The following CSMD3 variants were observed in gnomAD, a reference collection of about 807,000 sequenced individuals.
CSMD3 encodes the protein CUB and sushi domain-containing protein 3.
CSMD3 carries 177 observed loss-of-function variants against 435.2 expected under a neutral mutation model. That is an observed-to-expected ratio of 0.41 (90% confidence interval 0.36 to 0.46). The LOEUF (loss-of-function observed/expected upper bound fraction) is 0.46, where lower values mean the gene tolerates loss of function less well. Ranked by LOEUF, CSMD3 falls within the 20% of genes least tolerant of loss-of-function variation. CSMD3 has a pLI of 0.34. For missense variants in CSMD3, 4,265 were observed against 4,504.6 expected (o/e 0.95, Z 1.52); for synonymous variants, 1,656 against 1,520.5 (o/e 1.09, Z -2.07).
chr8:112,997,276 C>T (rs1188210674), intron 6 of CSMD3, among the ~76,000 whole-genome samples: 2 of 151,590 alleles, frequency 1.3e-5, no homozygotes, highest in Middle Eastern at 3.2e-3. Flanking sequence ...AAACTTTTCA[C>T]ACAGTTAAAA....
chr8:112,930,188 C>A (rs1048957107), intron 9 of CSMD3, among the ~76,000 whole-genome samples: 1 of 152,072 alleles, frequency 6.6e-6, no homozygotes, highest in African/African-American at 2.4e-5. Context: ...AGCCATAAGG[C>A]AAGGTTAACA....
chr8:112,634,519 A>G (rs2074603653), intron 22 of CSMD3, among the ~76,000 whole-genome samples: 1 of 151,964 alleles, frequency 6.6e-6, no homozygotes, highest in Non-Finnish European at 1.5e-5. Context: ...GAAAATGGGT[A>G]GGGGGGAATT....
Position 113,378,511 on chromosome 8 carries a change from T to C in CSMD3, c.178+58166A>G, listed in dbSNP as rs182731766. Among the ~76,000 whole-genome samples the C allele has an allele frequency of 1.7e-3, 264 of 152,256 alleles. 1 individual carries two copies. Among genetic ancestry groups the C allele is most frequent in the Non-Finnish European group, 2.3e-3 (154 of 68,010 alleles). The stretch of plus-strand genomic sequence containing the variant: ...CTCAGAGGATAGGGTAGATAGTAGT[T>C]TTACGTTATAGTGGACAAGAAAGGC... On this transcript the variant is annotated intron_variant, in intron 1 of 70. Transcript: ENST00000297405.
rs188439025 is a variant in CSMD3 at position 112,267,627 on chromosome 8, A to C, written c.9509-2037T>G. Among the ~76,000 whole-genome samples the C allele has an allele frequency of 6.9e-3, 1,045 of 152,292 alleles. 16 individuals carry two copies. The highest frequency in any genetic ancestry group is 0.024 in the African/African-American group (1,005 of 41,568). On this transcript the variant is annotated intron_variant, in intron 59 of 70. Transcript: ENST00000297405. ...TGTTGTTTTCTGGGCAGTGCTTTCC[A>C]GACTGCATTAGAATCTTGGCAAGGA... is the stretch of plus-strand genomic sequence containing the variant.
At chr8:113,350,819 T>C (rs1304618400) in intron 1 of CSMD3, among the ~76,000 whole-genome samples, 2 of 152,176 alleles carry the variant, frequency 1.3e-5, no homozygotes, top group Non-Finnish European at 2.9e-5. Context: ...TGATTTGACT[T>C]CTGATTTGTT....
chr8:112,406,744 T>A lies in CSMD3; in HGVS notation c.5606-17A>T, dbSNP rs772383271. On this transcript the variant is annotated splice_polypyrimidine_tract_variant and intron_variant, in intron 34 of 70. Coordinates refer to ENST00000297405, the MANE Select transcript of CSMD3 (RefSeq NM_198123.2). ...TAGGAACAGCTGTGTAGAAATATTA[T>A]ATTTATTTTAATTTTATATGGTAGA... The A allele has an allele frequency of 6.7e-7, 1 of 1,488,662 alleles. No individual in the cohort carries two copies. The allele number at this position is 1,488,662 out of a possible 1,614,324, so 92.2% of individuals were successfully genotyped here.
rs1209326022 is a variant in CSMD3 at position 112,311,220 on chromosome 8, C to T, written c.7697-54G>A. On this transcript the variant is annotated intron_variant, in intron 49 of 70. Transcript: ENST00000297405. ...TAATTAATGAATCAGAAGTTATTACCCAAAGTGATAAACACCTATACAGCG... is the reference window on the plus strand; with the variant it reads ...TAATTAATGAATCAGAAGTTATTACTCAAAGTGATAAACACCTATACAGCG... The T allele has an allele frequency of 3.4e-6, 5 of 1,458,506 alleles. No homozygotes were observed. The African/African-American group carries it at 5.6e-5, about 16-fold the overall frequency. 90.3% of individuals were successfully genotyped at this position (1,458,506 alleles called of 1,614,324 possible).
At position 112,783,064 on chromosome 8, in the gene CSMD3, G is replaced by A. The variant is rs78875563; in HGVS notation, c.1972+17098C>T. On this transcript the variant is annotated intron_variant, in intron 13 of 70. Transcript: ENST00000297405. The stretch of plus-strand genomic sequence containing the variant: ...AAAAGAAAAACACGGTAATTGTGGC[G>A]TGTAAACTACTCATGTTTTTAGTGG... 4.7e-3 allele frequency among the ~76,000 whole-genome samples: 708 copies of A among 152,120 alleles called. 15 individuals carry two copies. In the East Asian group the frequency reaches 0.074, roughly 16 times the overall value.
Position 112,689,738 on chromosome 8 carries a change from T to C in CSMD3, c.2155+130A>G, listed in dbSNP as rs1437069238. ...TTGGCATAAGCACACTTGTTAAAGA[T>C]AGCATCACAAAGTGCTACTCACTCA... is the stretch of plus-strand genomic sequence containing the variant. On this transcript the variant is annotated intron_variant, in intron 14 of 70. Coordinates refer to ENST00000297405, the MANE Select transcript of CSMD3 (RefSeq NM_198123.2). 4.2e-6 allele frequency: 3 copies of C among 711,474 alleles called. No homozygotes were observed. The African/African-American group carries it at 5.4e-5, about 13-fold the overall frequency. 44.1% of individuals were successfully genotyped at this position (711,474 alleles called of 1,614,324 possible). A position where few individuals can be genotyped will look rare whatever the true frequency, so the allele number is the denominator to read the frequency against.
At chr8:112,883,691 C>A (rs531470828) in intron 10 of CSMD3, among the ~76,000 whole-genome samples, 1 of 151,900 alleles carries the variant, frequency 6.6e-6, no homozygotes, top group Admixed American at 6.6e-5. Context: ...AGAAATTACC[C>A]TTAGTATACT....
At chr8:112,308,783 G>A (rs1420857) in intron 50 of CSMD3, among the ~76,000 whole-genome samples, 30,120 of 151,848 alleles carry the variant, frequency 0.2, 3,610 homozygotes, top group East Asian at 0.37. Context: ...AATTTTCTAT[G>A]TTTATCCTCA....
intron 53 of CSMD3, among the ~76,000 whole-genome samples, chr8:112,296,543 C>A (rs2130721613): frequency 6.9e-6 from 1 of 145,238 alleles, no homozygotes; most frequent in East Asian, 2.2e-4. Context: ...GAGCAAGACT[C>A]CACCTCAAAA....
intron 19 of CSMD3, 84 bp from the exon 20 acceptor site, chr8:112,645,309 A>G: frequency 1.2e-6 from 1 of 814,140 alleles, no homozygotes; most frequent in Admixed American, 1.7e-5. Flanking sequence ...TCTTGAATTG[A>G]GCAGTCGCAT....
chr8:112,859,573 G>C (rs572823629), intron 10 of CSMD3, among the ~76,000 whole-genome samples: 1 of 151,842 alleles, frequency 6.6e-6, no homozygotes, highest in African/African-American at 2.4e-5. Context: ...ACCCAATATT[G>C]TGTTAACAAA....
intron 5 of CSMD3, among the ~76,000 whole-genome samples, chr8:113,039,929 T>C (rs2087532407): frequency 6.6e-6 from 1 of 152,188 alleles, no homozygotes; most frequent in South Asian, 2.1e-4. Flanking sequence ...TGGGTACCCT[T>C]CTAGGAGTCA....
chr8:112,518,629 T>TGTGTGAGAGA (rs774602764), intron 27 of CSMD3, among the ~76,000 whole-genome samples: 18 of 124,220 alleles, frequency 1.4e-4, no homozygotes, highest in Admixed American at 4.9e-4. Context: ...TGTGTGTGTG[T>TGTGTGAGAGA]GAGAGAGAGA....
chr8:112,888,068 G>A (rs2081662665), intron 10 of CSMD3, among the ~76,000 whole-genome samples: 2 of 151,762 alleles, frequency 1.3e-5, no homozygotes, highest in South Asian at 4.1e-4. Flanking sequence ...GGGAGAAATT[G>A]TCTTTGATGT....
intron 59 of CSMD3, among the ~76,000 whole-genome samples, chr8:112,275,218 A>G (rs1817921928): frequency 6.6e-6 from 1 of 152,158 alleles, no homozygotes; most frequent in Non-Finnish European, 1.5e-5. Flanking sequence ...CACACTGCTG[A>G]TAAAGACGTA....
chr8:113,164,582 T>C (rs2092113827), intron 4 of CSMD3, among the ~76,000 whole-genome samples: 1 of 151,990 alleles, frequency 6.6e-6, no homozygotes, highest in African/African-American at 2.4e-5. Context: ...AAAGTGGTTA[T>C]AAAAAGCCTT....
Sources: allele counts gnomAD v4.1 joint callset (sites outside exome capture counted in the v4.1 genomes callset), GRCh38; gene constraint gnomAD v4.1.1; transcripts MANE v1.5; gene names NCBI Gene and HGNC (gene_info 2026-07-23, HGNC 2026-07-21).